ANKRD44: variants seen among roughly 807,000 people sequenced by gnomAD.
ANKRD44 encodes serine/threonine-protein phosphatase 6 regulatory ankyrin repeat subunit B.
A neutral mutation model predicts 116.0 loss-of-function variants in ANKRD44; 35 were observed. The observed-to-expected ratio is 0.30, with a 90% CI of 0.23 to 0.40. The LOEUF (loss-of-function observed/expected upper bound fraction) is 0.40. Among genes scored for constraint, ANKRD44 ranks in the 10% least tolerant of loss-of-function variants. The probability of loss-of-function intolerance (pLI) is 1.00; values close to 1 mark genes in which losing one functional copy is unlikely to be tolerated. For synonymous variants in ANKRD44, 435 were observed against 461.8 expected, an observed-to-expected ratio of 0.94 and a Z score of 0.74; for missense variants, 1,014 against 1,242.6, an observed-to-expected ratio of 0.82 and a Z score of 2.77.
intron 16 of ANKRD44, among the ~76,000 whole-genome samples, chr2:197,075,883 A>G (rs1447230706): frequency 2.0e-5 from 3 of 152,190 alleles, no homozygotes; most frequent in African/African-American, 7.2e-5. Flanking sequence ...TTAATGATAC[A>G]TATTTAATGA....
chr2:196,990,098 CAGAA>C (rs2075891354), intron 27 of ANKRD44: 1 of 1,002,476 alleles, frequency 1.0e-6, no homozygotes, highest in African/African-American at 1.7e-5. Flanking sequence ...CAGAGATCCT[CAGAA>C]AGAAGTTCTG....
intron 2 of ANKRD44, among the ~76,000 whole-genome samples, chr2:197,166,722 C>T (rs987453771): frequency 1.3e-4 from 20 of 152,094 alleles, no homozygotes; most frequent in Non-Finnish European, 1.9e-4. Context: ...AGATTAATTA[C>T]CTAACCCAAG....
At position 197,147,072 on chromosome 2, in the gene ANKRD44, C is replaced by A. The variant is rs200088798; in HGVS notation, c.145G>T (p.Ala49Ser). 2.5e-5 allele frequency: 40 copies of A among 1,613,532 alleles called. No homozygotes were observed. The highest frequency in any genetic ancestry group is 3.2e-5 in the Non-Finnish European group (38 of 1,179,676). ...ATGATCTCTGCATCTCCCAGAAATG[C>A]GGCCACATGAAGAGGGGTTCGTTTC... ...SEKRTPLHVA[A>S]FLGDAEIIEL... Residue 49 changes from alanine to serine, a missense_variant, in exon 3 of 28, where the codon GCA (alanine) becomes TCA (serine). Transcript: ENST00000282272.
intron 1 of ANKRD44, among the ~76,000 whole-genome samples, chr2:197,268,733 T>C (rs1187769621): frequency 6.6e-6 from 1 of 152,066 alleles, no homozygotes; most frequent in Non-Finnish European, 1.5e-5. Flanking sequence ...CATCTGCTTT[T>C]CATGGGCTTA....
chr2:197,093,231 G>T (rs966292316), intron 10 of ANKRD44, among the ~76,000 whole-genome samples: 4 of 151,842 alleles, frequency 2.6e-5, no homozygotes, highest in Non-Finnish European at 4.4e-5. Flanking sequence ...ACAAGCAAAT[G>T]AATTTGAGGA....
chr2:197,077,449 G>A (rs2077694644), intron 16 of ANKRD44, among the ~76,000 whole-genome samples: 1 of 152,224 alleles, frequency 6.6e-6, no homozygotes, highest in East Asian at 1.9e-4. Flanking sequence ...ACCTGCAAAG[G>A]CCTGATTTGT....
At chr2:197,076,256 C>G (rs570515285) in intron 16 of ANKRD44, among the ~76,000 whole-genome samples, 1 of 152,278 alleles carries the variant, frequency 6.6e-6, no homozygotes, top group East Asian at 1.9e-4. Context: ...AAAAGGATGA[C>G]CCCTGCGAAG....
chr2:196,997,457 T>TC (rs2076033916), intron 25 of ANKRD44, among the ~76,000 whole-genome samples: 1 of 147,770 alleles, frequency 6.8e-6, no homozygotes, highest in African/African-American at 2.5e-5. Context: ...TTTATCTTTT[T>TC]TTTTTTTTTG....
chr2:197,161,189 T>A (rs1343308129), intron 2 of ANKRD44, among the ~76,000 whole-genome samples: 1 of 151,786 alleles, frequency 6.6e-6, no homozygotes, highest in Admixed American at 6.6e-5. Flanking sequence ...TTGACACGAG[T>A]GCTCCCAGAA....
At chr2:196,998,836 G>C in intron 24 of ANKRD44, 71 bp downstream of exon 24, 1 of 1,578,322 alleles carries the variant, frequency 6.3e-7, no homozygotes, top group Non-Finnish European at 8.6e-7. Context: ...GAGAACAACT[G>C]ATTTCTTGAT....
chr2:197,069,507 T>C (rs912148347), intron 16 of ANKRD44, among the ~76,000 whole-genome samples: 2 of 152,196 alleles, frequency 1.3e-5, no homozygotes, highest in Admixed American at 1.3e-4. Flanking sequence ...AAAAATCAGT[T>C]GGGCATATTT....
chr2:197,086,254 T>C (rs2077919581), intron 13 of ANKRD44, among the ~76,000 whole-genome samples: 1 of 152,230 alleles, frequency 6.6e-6, no homozygotes, highest in Non-Finnish European at 1.5e-5. Flanking sequence ...AAGAGTTCTA[T>C]GACCCATTGG....
chr2:197,251,963 T>C (rs990174852), intron 1 of ANKRD44, among the ~76,000 whole-genome samples: 3 of 152,234 alleles, frequency 2.0e-5, no homozygotes, highest in African/African-American at 7.2e-5. Context: ...TTAACGTTTA[T>C]GCATCAGTCC....
intron 15 of ANKRD44, among the ~76,000 whole-genome samples, chr2:197,079,038 C>T (rs1287398403): frequency 6.7e-6 from 1 of 150,240 alleles, no homozygotes; most frequent in Non-Finnish European, 1.5e-5. Context: ...TTAATATAGC[C>T]ATTCTAGAAT....
At chr2:197,074,466 T>A (rs778617775) in intron 16 of ANKRD44, among the ~76,000 whole-genome samples, 1 of 151,958 alleles carries the variant, frequency 6.6e-6, no homozygotes, top group East Asian at 1.9e-4. Context: ...ACATTGCCAA[T>A]GTAAGTCCAT....
At chr2:197,025,307 A>G (rs767004450) in intron 16 of ANKRD44, 40 bp from the exon 17 acceptor site, 2 of 1,573,680 alleles carry the variant, frequency 1.3e-6, no homozygotes, top group Non-Finnish European at 8.7e-7. Context: ...GTGAGTCCAA[A>G]TTTTGCAAAA....
intron 27 of ANKRD44, among the ~76,000 whole-genome samples, chr2:196,992,347 G>A (rs927203218): frequency 7.9e-5 from 12 of 152,224 alleles, no homozygotes; most frequent in East Asian, 1.9e-4. Flanking sequence ...TCCATTTCAC[G>A]AAAGTCAGTG....
rs1232753485 is a variant in ANKRD44, at chr2:197,203,064, C to T, written c.28-15958G>A. Among the ~76,000 whole-genome samples the T allele has an allele frequency of 3.9e-5, 6 of 152,144 alleles. No homozygotes were observed. The highest frequency in any genetic ancestry group is 7.2e-5 in the African/African-American group (3 of 41,420). Reference sequence around the variant, plus strand: ...AGGTGACTCATACAGCTTCAACATACATGCAGCACTGAATCTGATTCTTCA... The same window carrying T: ...AGGTGACTCATACAGCTTCAACATATATGCAGCACTGAATCTGATTCTTCA... On this transcript the variant is annotated intron_variant, in intron 1 of 27. Coordinates refer to ENST00000282272, the MANE Select transcript of ANKRD44 (RefSeq NM_001195144.2). The surrounding 1 kb of genome is among the most constrained non-coding windows in gnomAD (Gnocchi z 4.1).
intron 10 of ANKRD44, among the ~76,000 whole-genome samples, chr2:197,098,150 G>A (rs1317972724): frequency 6.6e-6 from 1 of 152,052 alleles, no homozygotes; most frequent in Non-Finnish European, 1.5e-5. Context: ...CTCTCACTCT[G>A]TTCCCACAGC....
Sources: allele counts gnomAD v4.1 joint callset (sites outside exome capture counted in the v4.1 genomes callset), GRCh38; gene constraint gnomAD v4.1.1; non-coding constraint Gnocchi (gnomAD v3.1); transcripts MANE v1.5; gene names NCBI Gene and HGNC (gene_info 2026-07-23, HGNC 2026-07-21).